ADGRL2: variants seen among roughly 807,000 people sequenced by gnomAD.
ADGRL2 encodes the protein adhesion G protein-coupled receptor L2.
Under a neutral mutation model 157.4 loss-of-function variants are expected in ADGRL2, and 44 were observed. The ratio of observed to expected loss-of-function variants is 0.28; its 90% CI spans 0.22 to 0.36. The LOEUF (loss-of-function observed/expected upper bound fraction) is 0.36. ADGRL2 is among the 10% of genes least tolerant of loss of function. The pLI is 1.00. For missense variants in ADGRL2, 1,510 were observed against 1,768.9 expected, an observed-to-expected ratio of 0.85 and a Z score of 2.63; for synonymous variants, 585 against 624.7, an observed-to-expected ratio of 0.94 and a Z score of 0.95.
chr1:81,641,494 G>GAA (rs2148803902), intron 3 of ADGRL2, among the ~76,000 whole-genome samples: 1 of 152,170 alleles, frequency 6.6e-6, no homozygotes, highest in South Asian at 2.1e-4. Flanking sequence ...GACCAAAAGG[G>GAA]AATTAAACTG....
At chr1:81,723,046 G>T in intron 1 of ADGRL2, 13 of 761,174 alleles carry the variant, frequency 1.7e-5, no homozygotes, top group Middle Eastern at 3.7e-4. Context: ...TCAGTAAATT[G>T]TCAGCCAATT....
intron 2 of ADGRL2, among the ~76,000 whole-genome samples, chr1:81,880,702 G>T (rs2151203232): frequency 6.6e-6 from 1 of 151,976 alleles, no homozygotes; most frequent in East Asian, 2.0e-4. Context: ...GCACACGCGG[G>T]CCCTTAGTCT....
chr1:81,771,174 G>T (rs1366494423), intron 2 of ADGRL2, among the ~76,000 whole-genome samples: 3 of 152,032 alleles, frequency 2.0e-5, no homozygotes, highest in East Asian at 3.9e-4. Context: ...TAAGTTGTTG[G>T]TTTTTTGTAG....
intron 1 of ADGRL2, among the ~76,000 whole-genome samples, chr1:81,823,951 TTAAA>T (rs1365887580): frequency 1.3e-5 from 2 of 152,174 alleles, no homozygotes; most frequent in Non-Finnish European, 2.9e-5. Flanking sequence ...TTTCAAAAAT[TTAAA>T]TATTTTCCAG....
chr1:81,812,736 A>C (rs1162919086), intron 1 of ADGRL2, among the ~76,000 whole-genome samples: 2 of 151,816 alleles, frequency 1.3e-5, no homozygotes, highest in African/African-American at 4.8e-5. Context: ...GATGAGTTGC[A>C]TATGTGCTTT....
At chr1:81,321,578 C>A (rs1208805010) in intron 1 of ADGRL2, among the ~76,000 whole-genome samples, 1 of 152,060 alleles carries the variant, frequency 6.6e-6, no homozygotes, top group Non-Finnish European at 1.5e-5. Flanking sequence ...TGGTTGAGGG[C>A]AGAGGGAGAG....
At chr1:81,482,020 C>T (rs750593232) in intron 2 of ADGRL2, among the ~76,000 whole-genome samples, 16 of 152,186 alleles carry the variant, frequency 1.1e-4, no homozygotes, top group Non-Finnish European at 2.1e-4. Flanking sequence ...TGTCTCCCAA[C>T]AGATCTCACT....
intron 1 of ADGRL2, among the ~76,000 whole-genome samples, chr1:81,332,888 T>A: frequency 6.6e-6 from 1 of 152,224 alleles, no homozygotes; most frequent in East Asian, 1.9e-4. Flanking sequence ...TTTACCTTTG[T>A]TTTATTTTTT....
In ADGRL2 at chr1:81,992,633, G is replaced by A. The variant is rs1482399785; in HGVS notation, c.*1488G>A. 1.3e-5 allele frequency among the ~76,000 whole-genome samples: 2 copies of A among 152,000 alleles called. No individual in the cohort carries two copies. The highest frequency in any genetic ancestry group is 2.9e-5 in the Non-Finnish European group (2 of 68,014). On this transcript the variant is annotated 3_prime_UTR_variant, in exon 24 of 24. Transcript: ENST00000686636. Reference sequence around the variant, plus strand: ...AATCTGCTGGATAAGTTTTAAGAGGGATATATTCTGAAAGCATTTTTGTTT... The same window carrying A: ...AATCTGCTGGATAAGTTTTAAGAGGAATATATTCTGAAAGCATTTTTGTTT...
At chr1:81,736,654 G>C (rs527821619) in intron 1 of ADGRL2, among the ~76,000 whole-genome samples, 16 of 152,224 alleles carry the variant, frequency 1.1e-4, no homozygotes, top group African/African-American at 3.4e-4. Context: ...ACCAAAATAT[G>C]ATTCCTGGCT....
intron 2 of ADGRL2, among the ~76,000 whole-genome samples, chr1:81,527,481 G>T (rs2079488529): frequency 6.6e-6 from 1 of 152,168 alleles, no homozygotes. Context: ...GGAGACCAAG[G>T]CAGGTGGATC....
intron 3 of ADGRL2, among the ~76,000 whole-genome samples, chr1:81,685,723 G>C (rs2083215278): frequency 6.6e-6 from 1 of 152,146 alleles, no homozygotes; most frequent in East Asian, 1.9e-4. Context: ...CATTCTCAGA[G>C]GGAATGCTTT....
At chr1:81,898,775 A>G (rs535953833) in intron 2 of ADGRL2, among the ~76,000 whole-genome samples, 1 of 152,316 alleles carries the variant, frequency 6.6e-6, no homozygotes, top group South Asian at 2.1e-4. Context: ...AAATTGAAAT[A>G]AGCTTTCTGG....
At chr1:81,916,942 T>G (rs1255670915) in intron 3 of ADGRL2, among the ~76,000 whole-genome samples, 1 of 151,924 alleles carries the variant, frequency 6.6e-6, no homozygotes, top group Non-Finnish European at 1.5e-5. Flanking sequence ...TATACTGTAT[T>G]GACTAATTTT....
intron 2 of ADGRL2, among the ~76,000 whole-genome samples, chr1:81,579,898 C>T (rs893632787): frequency 2.6e-5 from 4 of 151,846 alleles, no homozygotes; most frequent in African/African-American, 9.7e-5. Context: ...GTTATAAATA[C>T]TGTACGTAAA....
intron 3 of ADGRL2, among the ~76,000 whole-genome samples, chr1:81,627,638 A>T (rs547948834): frequency 1.3e-5 from 2 of 152,306 alleles, no homozygotes; most frequent in South Asian, 4.1e-4. Flanking sequence ...TTTTTGTATG[A>T]TCATTCTGGA....
chr1:81,809,824 T>G (rs2089638513), intron 1 of ADGRL2, among the ~76,000 whole-genome samples: 2 of 152,068 alleles, frequency 1.3e-5, no homozygotes, highest in African/African-American at 4.8e-5. Context: ...TTAAGATATC[T>G]CTTTTAAAAC....
chr1:81,372,034 T>C (rs537421503), intron 1 of ADGRL2, among the ~76,000 whole-genome samples: 2 of 152,308 alleles, frequency 1.3e-5, no homozygotes, highest in African/African-American at 2.4e-5. Context: ...GAGATCTCTG[T>C]CCCGAGACCA....
chr1:81,683,877 C>T (rs900013159), intron 3 of ADGRL2, among the ~76,000 whole-genome samples: 3 of 151,830 alleles, frequency 2.0e-5, no homozygotes, highest in African/African-American at 4.8e-5. Flanking sequence ...AGTGCAGTGG[C>T]GCAATCTCGG....
Sources: allele counts gnomAD v4.1 joint callset (sites outside exome capture counted in the v4.1 genomes callset), GRCh38; gene constraint gnomAD v4.1.1; transcripts MANE v1.5; gene names NCBI Gene and HGNC (gene_info 2026-07-23, HGNC 2026-07-21).